ZNF28: variants seen among roughly 807,000 people sequenced by gnomAD.
The protein encoded by ZNF28 is zinc finger protein 28, also known as zinc finger protein KOX24.
A neutral mutation model predicts 7.2 loss-of-function variants in ZNF28; 5 were observed. That is an observed-to-expected ratio of 0.70 (90% CI 0.36 to 1.46). ZNF28 has a LOEUF of 1.46. Among genes scored for constraint, ZNF28 ranks in the 40% most tolerant of loss-of-function variants. ZNF28 has a pLI of 0.03. For synonymous variants in ZNF28, 288 were observed against 292.4 expected, an observed-to-expected ratio of 0.99 and a Z score of 0.15; for missense variants, 879 against 866.6, an observed-to-expected ratio of 1.01 and a Z score of -0.18.
Position 52,800,137 on chromosome 19 carries a change from T to C in ZNF28, c.1708A>G (p.Arg570Gly). The C allele has an allele frequency of 4.3e-6, 7 of 1,614,020 alleles. No individual in the cohort carries two copies. Among genetic ancestry groups the C allele is most frequent in the Non-Finnish European group, 5.9e-6 (7 of 1,179,948 alleles). The part of the protein sequence containing the change: ...FSRKSHMERH[R>G]RIHTGEKPYK... ...GGTTTCTCTCCAGTATGAATCCTCCTATGTCTTTCCATGTGTGATTTGCGA... is the reference window on the plus strand; with the variant it reads ...GGTTTCTCTCCAGTATGAATCCTCCCATGTCTTTCCATGTGTGATTTGCGA... The change falls in exon 4 of 4, where the codon AGG becomes GGG. Residue 570 changes from arginine (R) to glycine (G), a missense_variant. Coordinates refer to ENST00000457749, the MANE Select transcript of ZNF28 (RefSeq NM_006969.5).
Position 52,800,861 on chromosome 19 carries a change from T to C in ZNF28, c.984A>G (p.Lys328=), listed in dbSNP as rs565701009. ...KIIYTGGKPY[K]CKVCDKAFTC... ...TGAAAGCTTTGTCACAAACCTTACA[T>C]TTGTATGGTTTCCCTCCAGTATAAA... The change falls in exon 4 of 4, where the codon AAA becomes AAG. Residue 328 remains lysine (K), a synonymous_variant. Transcript: ENST00000457749. 7 of 1,613,984 alleles carry C rather than the reference T, an allele frequency of 4.3e-6. No individual in the cohort carries two copies. The South Asian group carries it at 7.7e-5, about 18-fold the overall frequency.
chr19:52,809,253 T>C (rs764192282), intron 2 of ZNF28, among the ~76,000 whole-genome samples: 31 of 152,242 alleles, frequency 2.0e-4, no homozygotes, highest in Non-Finnish European at 2.8e-4. Flanking sequence ...TCTGTAGTAA[T>C]GCGGACGTGC....
intron 2 of ZNF28, chr19:52,810,791 G>C: frequency 2.2e-6 from 1 of 452,428 alleles, no homozygotes; most frequent in Non-Finnish European, 3.9e-6. Flanking sequence ...AAAAAAAACA[G>C]AAGATGACCT....
chr19:52,798,780 C>A lies in ZNF28; in HGVS notation c.*908G>T. On this transcript the variant is annotated 3_prime_UTR_variant, in exon 4 of 4. Transcript: ENST00000457749. ...CATTTATTACACTTGTAAGATCTCT[C>A]ATTATGGATTCTCCAATGATTTGCA... is the stretch of plus-strand genomic sequence containing the variant. The A allele has an allele frequency of 4.3e-6, 3 of 701,308 alleles. No individual in the cohort carries two copies. The highest frequency in any genetic ancestry group is 7.3e-6 in the Non-Finnish European group (3 of 412,492). 43.4% of individuals were successfully genotyped at this position (701,308 alleles called of 1,614,324 possible). A position where few individuals can be genotyped will look rare whatever the true frequency, so the allele number is the denominator to read the frequency against.
At chr19:52,820,908 T>A (rs1486240851) in intron 1 of ZNF28, among the ~76,000 whole-genome samples, 2 of 152,022 alleles carry the variant, frequency 1.3e-5, no homozygotes, top group Non-Finnish European at 2.9e-5. Context: ...TTAGTCCCTC[T>A]CTCTGTCTCC....
chr19:52,797,435 T>C lies in ZNF28; in HGVS notation c.*2253A>G, dbSNP rs1031468877. 2.0e-5 allele frequency: 3 copies of C among 152,268 alleles called. No homozygotes were observed. Among genetic ancestry groups the C allele is most frequent in the African/African-American group, 7.2e-5 (3 of 41,474 alleles). 9.4% of individuals were successfully genotyped at this position (152,268 alleles called of 1,614,324 possible). On this transcript the variant is annotated 3_prime_UTR_variant, in exon 4 of 4. Transcript: ENST00000457749. The stretch of plus-strand genomic sequence containing the variant: ...AGAAAGAAAGAAGTCAAATTTTATT[T>C]GTTTGTAGATGACATGATCTGTGAA...
At chr19:52,817,855 AC>A in intron 2 of ZNF28, 88 bp downstream of exon 2, 2 of 1,593,538 alleles carry the variant, frequency 1.3e-6, no homozygotes, top group Non-Finnish European at 1.7e-6. Context: ...CAGGCAGGAC[AC>A]TTCAGACTCA....
chr19:52,810,372 G>A (rs1372821822), intron 2 of ZNF28: 1 of 1,605,024 alleles, frequency 6.2e-7, no homozygotes, highest in South Asian at 1.1e-5. Context: ...TCACTTTCAT[G>A]GCTGTGGTTC....
At chr19:52,804,435 A>G (rs2062911237) in intron 3 of ZNF28, among the ~76,000 whole-genome samples, 2 of 152,070 alleles carry the variant, frequency 1.3e-5, no homozygotes, top group African/African-American at 4.8e-5. Context: ...GAGTAGCGTG[A>G]TCTTGGCGCA....
intron 3 of ZNF28, among the ~76,000 whole-genome samples, chr19:52,804,202 C>G (rs1159040286): frequency 6.6e-6 from 1 of 152,204 alleles, no homozygotes; most frequent in Non-Finnish European, 1.5e-5. Flanking sequence ...TCACCAGGAA[C>G]CAATTTGGCT....
Position 52,798,482 on chromosome 19 carries a change from T to G in ZNF28, c.*1206A>C. 3 of 488,796 alleles carry G rather than the reference T, an allele frequency of 6.1e-6. No homozygotes were observed. Among genetic ancestry groups the G allele is most frequent in the Admixed American group, 2.3e-5 (1 of 43,206 alleles). The allele number at this position is 488,796 out of a possible 1,614,324, so 30.3% of individuals were successfully genotyped here. ...TTGTCTGATGGTCTGCAAGGAGTGA[T>G]CTCGGACTGAAGACCTTACCACACT... is the stretch of plus-strand genomic sequence containing the variant. On this transcript the variant is annotated 3_prime_UTR_variant, in exon 4 of 4. Transcript: ENST00000457749.
intron 2 of ZNF28, among the ~76,000 whole-genome samples, chr19:52,813,249 G>GAAAA (rs71183837): frequency 0.042 from 2,666 of 62,786 alleles, 283 homozygotes; most frequent in Non-Finnish European, 0.055. Flanking sequence ...CTTGAATGGT[G>GAAAA]AAAAAAAAAA....
chr19:52,813,327 T>C (rs1278903910), intron 2 of ZNF28, among the ~76,000 whole-genome samples: 3 of 145,806 alleles, frequency 2.1e-5, no homozygotes, highest in Non-Finnish European at 4.5e-5. Context: ...GGGACCTGTT[T>C]TGGGGAGCAG....
chr19:52,800,775 C>A lies in ZNF28; in HGVS notation c.1070G>T (p.Cys357Phe). The A allele has an allele frequency of 6.2e-7, 1 of 1,614,102 alleles. No individual in the cohort carries two copies. Among genetic ancestry groups the A allele is most frequent in the Non-Finnish European group, 8.5e-7 (1 of 1,180,018 alleles). Reference protein sequence around the residue: ...IIHTGEKPYKCNECGKVFNRL... With the variant: ...IIHTGEKPYKFNECGKVFNRL... ...ATTAAAAACCTTGCCACATTCATTA[C>A]ACTTGTAAGGTTTCTCTCCAGTGTG... Residue 357 changes from cysteine to phenylalanine, a missense_variant, in exon 4 of 4, where the codon TGT (cysteine) becomes TTT (phenylalanine). Physicochemically the swap from Cys to Phe is radical, Grantham distance 205. This residue lies in a region of ZNF28 where 864 missense variants were observed against 830.2 expected (regional missense o/e 1.04). Coordinates refer to ENST00000457749, the MANE Select transcript of ZNF28 (RefSeq NM_006969.5).
intron 3 of ZNF28, among the ~76,000 whole-genome samples, chr19:52,802,680 A>G (rs2062886922): frequency 6.6e-6 from 1 of 152,222 alleles, no homozygotes; most frequent in South Asian, 2.1e-4. Flanking sequence ...CCATCTCAAA[A>G]AAAGGAAAAT....
At position 52,819,500 on chromosome 19, in the gene ZNF28, T is replaced by C. The variant is rs1420743408; in HGVS notation, c.-73-1469A>G. The stretch of plus-strand genomic sequence containing the variant: ...AAAAGCCACACCCAGACACCCACTC[T>C]ATTTTGCCAATCATTTCAGTGGCCA... On this transcript the variant is annotated intron_variant, in intron 1 of 3. Coordinates refer to ENST00000457749, the MANE Select transcript of ZNF28 (RefSeq NM_006969.5). Among the ~76,000 whole-genome samples the C allele has an allele frequency of 2.5e-5, 2 of 80,162 alleles. 1 individual carries two copies. The highest frequency in any genetic ancestry group is 9.2e-5 in the African/African-American group (2 of 21,732). 52.6% of individuals were successfully genotyped at this position (80,162 alleles called of 152,430 possible).
At chr19:52,816,832 G>A (rs201576515) in intron 2 of ZNF28, among the ~76,000 whole-genome samples, 3,459 of 91,262 alleles carry the variant, frequency 0.038, no homozygotes, top group Middle Eastern at 0.043. Flanking sequence ...CTCCGTTTCA[G>A]AAAATAATAA....
rs373909394 is a variant in ZNF28 at position 52,814,651 on chromosome 19, C to T, written c.15+3293G>A. ...CCTGTGATTTCAAAACTTTGGGAGGCTGAGGTGGGCAGATCACGAGGTTAG... is the reference window on the plus strand; with the variant it reads ...CCTGTGATTTCAAAACTTTGGGAGGTTGAGGTGGGCAGATCACGAGGTTAG... On this transcript the variant is annotated intron_variant, in intron 2 of 3. Coordinates refer to ENST00000457749, the MANE Select transcript of ZNF28 (RefSeq NM_006969.5). Among the ~76,000 whole-genome samples the T allele has an allele frequency of 4.8e-5, 7 of 145,230 alleles. 1 individual carries two copies. Among genetic ancestry groups the T allele is most frequent in the African/African-American group, 1.6e-4 (6 of 37,176 alleles).
chr19:52,810,815 T>G lies in ZNF28; in HGVS notation c.16-2682A>C, dbSNP rs548115483. The G allele has an allele frequency of 6.2e-6, 2 of 324,270 alleles. 1 individual carries two copies. Among genetic ancestry groups the G allele is most frequent in the Non-Finnish European group, 1.1e-5 (2 of 186,856 alleles). 20.1% of individuals were successfully genotyped at this position (324,270 alleles called of 1,614,324 possible). A position where few individuals can be genotyped will look rare whatever the true frequency, so the allele number is the denominator to read the frequency against. On this transcript the variant is annotated intron_variant, in intron 2 of 3. Coordinates refer to ENST00000457749, the MANE Select transcript of ZNF28 (RefSeq NM_006969.5). ...AGAAGATGACCTTGATGGAAAAAAA[T>G]ATATATATATTTTTAAAAAAAGAGT... is the stretch of plus-strand genomic sequence containing the variant.
Sources: gnomAD v4.1 joint callset for allele counts (sites outside exome capture counted in the v4.1 genomes callset) on GRCh38, gnomAD v4.1.1 for gene constraint, gnomAD v4.1.1 regional missense constraint, MANE v1.5 for transcripts, NCBI Gene and HGNC (gene_info 2026-07-23, HGNC 2026-07-21) for gene names.